PDE4D: variants seen among roughly 807,000 people sequenced by gnomAD.
The protein encoded by PDE4D is 3',5'-cyclic-AMP phosphodiesterase 4D.
A neutral mutation model predicts 87.4 loss-of-function variants in PDE4D; 24 were observed. The ratio of observed to expected loss-of-function variants is 0.27; its 90% CI spans 0.20 to 0.39. PDE4D has a LOEUF of 0.39. Ranked by LOEUF, PDE4D falls within the 10% of genes least tolerant of loss-of-function variation. The pLI, the probability that PDE4D is intolerant of heterozygous loss-of-function variation, is 1.00. For missense variants in PDE4D, 714 were observed against 1,041.0 expected (o/e 0.69, Z 4.32); for synonymous variants, 384 against 383.2 (o/e 1.00, Z -0.02).
intron 1 of PDE4D, among the ~76,000 whole-genome samples, chr5:59,614,838 T>G (rs1829458747): frequency 6.6e-6 from 1 of 152,012 alleles, no homozygotes; most frequent in African/African-American, 2.4e-5. Context: ...CTTTCATTTT[T>G]TTTTTTTTTT....
At chr5:59,910,506 G>T (rs1410476693) in intron 3 of PDE4D, among the ~76,000 whole-genome samples, 1 of 152,106 alleles carries the variant, frequency 6.6e-6, no homozygotes, top group Admixed American at 6.6e-5. Context: ...TCCCAAACCA[G>T]ACAAAATGCA....
chr5:60,437,330 A>C (rs1381875512), intron 1 of PDE4D, among the ~76,000 whole-genome samples: 1 of 152,132 alleles, frequency 6.6e-6, no homozygotes, highest in Non-Finnish European at 1.5e-5. Context: ...ATTCATCTGT[A>C]AGGTACAATG....
chr5:59,905,562 C>A (rs1169984040), intron 3 of PDE4D, among the ~76,000 whole-genome samples: 1 of 152,072 alleles, frequency 6.6e-6, no homozygotes, highest in Non-Finnish European at 1.5e-5. Context: ...CCAAGACTTT[C>A]TAGATGTGTA....
intron 2 of PDE4D, among the ~76,000 whole-genome samples, chr5:60,179,958 C>A (rs370920894): frequency 4.7e-4 from 72 of 152,212 alleles, no homozygotes; most frequent in Non-Finnish European, 9.0e-4. Flanking sequence ...TTTTAATATT[C>A]ATTAACAATG....
chr5:60,051,681 T>G (rs562495482), intron 2 of PDE4D, among the ~76,000 whole-genome samples: 2 of 151,186 alleles, frequency 1.3e-5, no homozygotes, highest in South Asian at 2.1e-4. Flanking sequence ...AAGAAACAAC[T>G]AAGACCAGAG....
At chr5:60,066,915 T>A (rs1269447607) in intron 2 of PDE4D, among the ~76,000 whole-genome samples, 2 of 152,166 alleles carry the variant, frequency 1.3e-5, no homozygotes, top group African/African-American at 4.8e-5. Flanking sequence ...TATGTGGTCA[T>A]CTGTCACCAT....
chr5:59,758,125 T>C (rs935521425), intron 1 of PDE4D, among the ~76,000 whole-genome samples: 3 of 152,106 alleles, frequency 2.0e-5, no homozygotes, highest in South Asian at 4.1e-4. Flanking sequence ...GAACACACGA[T>C]GGAGAGTTAG....
At chr5:59,464,716 GAAA>G (rs1213621211) in intron 1 of PDE4D, among the ~76,000 whole-genome samples, 1 of 152,030 alleles carries the variant, frequency 6.6e-6, no homozygotes, top group African/African-American at 2.4e-5. Context: ...CACCTAATGA[GAAA>G]CACCCACAGG....
chr5:59,366,286 G>A (rs944373944), intron 1 of PDE4D, among the ~76,000 whole-genome samples: 23 of 152,002 alleles, frequency 1.5e-4, no homozygotes, highest in Non-Finnish European at 2.5e-4. Context: ...TTTGAAGGGT[G>A]GACTTTGTAC....
chr5:59,503,166 C>T (rs1365877329), intron 1 of PDE4D, among the ~76,000 whole-genome samples: 4 of 152,084 alleles, frequency 2.6e-5, no homozygotes, highest in Admixed American at 1.3e-4. Flanking sequence ...GTGTTAATTT[C>T]ATGCTCTGGA....
intron 3 of PDE4D, among the ~76,000 whole-genome samples, chr5:59,928,580 A>AAAAAAG (rs1755540143): frequency 2.0e-5 from 3 of 152,160 alleles, no homozygotes; most frequent in Non-Finnish European, 4.4e-5. Context: ...TCCATCTCAA[A>AAAAAAG]AAAAAGAAAA....
rs1257524726 is a variant in PDE4D at position 59,398,171 on chromosome 5, T to C, written c.456-182203A>G. 5.6e-5 allele frequency among the ~76,000 whole-genome samples: 8 copies of C among 142,490 alleles called. No individual in the cohort carries two copies. In the South Asian group the frequency reaches 1.9e-3, roughly 33 times the overall value. 93.5% of individuals were successfully genotyped at this position (142,490 alleles called of 152,430 possible). A position where few individuals can be genotyped will look rare whatever the true frequency, so the allele number is the denominator to read the frequency against. On this transcript the variant is annotated intron_variant, in intron 1 of 14. Transcript: ENST00000340635. ...GAGGTACAAGGAGGAACTGGTACCA[T>C]TCCTTCTGAAACTATTCCAATCAAT...
chr5:59,093,034 C>T (rs1769022371), intron 5 of PDE4D, among the ~76,000 whole-genome samples: 1 of 152,088 alleles, frequency 6.6e-6, no homozygotes, highest in Admixed American at 6.6e-5. Context: ...CACCCACCCA[C>T]AAAGGCACAA....
chr5:60,424,632 A>T lies in PDE4D; in HGVS notation c.-90+63310T>A, dbSNP rs371182118. On this transcript the variant is annotated intron_variant, in intron 1 of 16. Coordinates refer to the PDE4D transcript ENST00000502484. ...CTTTGAAAACCAGCACAAGACAAGG[A>T]TGCCCTCTCTCACCACCCCTATGCA... 1.6e-4 allele frequency among the ~76,000 whole-genome samples: 25 copies of T among 152,336 alleles called. No homozygotes were observed. In the East Asian group the frequency reaches 3.7e-3, roughly 22 times the overall value.
chr5:60,494,966 A>G (rs1749734316), intron 1 of PDE4D, among the ~76,000 whole-genome samples: 1 of 152,156 alleles, frequency 6.6e-6, no homozygotes, highest in Admixed American at 6.5e-5. Context: ...TTCTCCATGC[A>G]GGGTCACCAT....
intron 3 of PDE4D, among the ~76,000 whole-genome samples, chr5:59,908,024 T>A (rs964267737): frequency 1.3e-5 from 2 of 152,098 alleles, no homozygotes; most frequent in African/African-American, 4.8e-5. Context: ...CATAAAGGAA[T>A]ATTACAGTTA....
chr5:60,464,332 G>A (rs1694660093), intron 1 of PDE4D, among the ~76,000 whole-genome samples: 1 of 152,088 alleles, frequency 6.6e-6, no homozygotes, highest in Non-Finnish European at 1.5e-5. Context: ...ATAAGTAATT[G>A]GCATAGAAGA....
intron 1 of PDE4D, among the ~76,000 whole-genome samples, chr5:59,405,924 T>C (rs1311865457): frequency 6.6e-6 from 1 of 152,192 alleles, no homozygotes; most frequent in Non-Finnish European, 1.5e-5. Flanking sequence ...TTGCTGAATT[T>C]GGCTTGCTAG....
chr5:60,400,539 A>G (rs1012182107), intron 1 of PDE4D, among the ~76,000 whole-genome samples: 2 of 151,150 alleles, frequency 1.3e-5, no homozygotes, highest in Non-Finnish European at 2.9e-5. Flanking sequence ...AAAAAAAAAA[A>G]AAAAAGAAAT....
Sources: allele counts gnomAD v4.1 joint callset (sites outside exome capture counted in the v4.1 genomes callset), GRCh38; gene constraint gnomAD v4.1.1; transcripts MANE v1.5; gene names NCBI Gene and HGNC (gene_info 2026-07-23, HGNC 2026-07-21).